Variants in FBXW4 observed in about 807,000 individuals in gnomAD.
FBXW4 encodes F-box and WD repeat domain containing 4, also known as F-box/WD repeat-containing protein 4.
Under a neutral mutation model 61.8 loss-of-function variants are expected in FBXW4, and 40 were observed. The observed-to-expected ratio is 0.65, with a 90% CI of 0.50 to 0.84. The LOEUF (loss-of-function observed/expected upper bound fraction) is 0.84. Among genes scored for constraint, FBXW4 ranks in the 40% least tolerant of loss-of-function variants. The pLI, the probability that FBXW4 is intolerant of heterozygous loss-of-function variation, is 0.00. For synonymous variants in FBXW4, 311 were observed against 313.8 expected, an observed-to-expected ratio of 0.99 and a Z score of 0.10; for missense variants, 672 against 753.8, an observed-to-expected ratio of 0.89 and a Z score of 1.27.
chr10:101,690,327 A>G (rs1189869157), intron 1 of FBXW4, among the ~76,000 whole-genome samples: 1 of 152,212 alleles, frequency 6.6e-6, no homozygotes, highest in Non-Finnish European at 1.5e-5. Flanking sequence ...GGAAAATTTG[A>G]AAGACTGCTA....
intron 5 of FBXW4, among the ~76,000 whole-genome samples, chr10:101,662,441 C>T (rs1486826094): frequency 6.6e-6 from 1 of 152,098 alleles, no homozygotes; most frequent in African/African-American, 2.4e-5. Flanking sequence ...TTGGACTAAT[C>T]CCCTCAAAAA....
chr10:101,614,899 C>T (rs1479457190), intron 6 of FBXW4, among the ~76,000 whole-genome samples: 2 of 152,026 alleles, frequency 1.3e-5, no homozygotes, highest in Admixed American at 6.6e-5. Flanking sequence ...GGGCCCTTCT[C>T]GGCCCCCACC....
At chr10:101,612,167 G>A (rs1177957165) in intron 7 of FBXW4, among the ~76,000 whole-genome samples, 170 bp downstream of exon 7, 3 of 152,234 alleles carry the variant, frequency 2.0e-5, no homozygotes, top group Admixed American at 6.5e-5. Flanking sequence ...CAAGCCACTG[G>A]GACCAGGGCT....
At chr10:101,612,797 G>A (rs1198591488) in intron 6 of FBXW4, among the ~76,000 whole-genome samples, 7 of 151,810 alleles carry the variant, frequency 4.6e-5, no homozygotes, top group East Asian at 3.9e-4. Flanking sequence ...TGAAGGGGTC[G>A]GCCCCCCTCA....
chr10:101,686,227 G>GA (rs34795580), intron 1 of FBXW4, among the ~76,000 whole-genome samples: 10 of 152,040 alleles, frequency 6.6e-5, no homozygotes, highest in African/African-American at 2.4e-4. Flanking sequence ...ATTTAGCAGT[G>GA]AAAAAAAGAA....
At chr10:101,664,426 T>C (rs1254273786) in intron 5 of FBXW4, among the ~76,000 whole-genome samples, 1 of 152,226 alleles carries the variant, frequency 6.6e-6, no homozygotes, top group Non-Finnish European at 1.5e-5. Context: ...CAGGAGTACC[T>C]GCCCTAGGGC....
chr10:101,677,138 T>C (rs2064420596), intron 1 of FBXW4, among the ~76,000 whole-genome samples: 1 of 152,176 alleles, frequency 6.6e-6, no homozygotes, highest in Non-Finnish European at 1.5e-5. Flanking sequence ...TGGGAAAAGG[T>C]CTGGCAGTTT....
Position 101,695,025 on chromosome 10 carries a change from C to T in FBXW4, c.81G>A (p.Gln27=). ...EGEGGEARKL[Q]EGRVARGKRR... is the part of the protein sequence containing the mutation. The stretch of plus-strand genomic sequence containing the variant: ...GCTTCCCCCTCGCCACCCTCCCTTC[C>T]TGCAGCTTCCTCGCCTCTCCGCCCT... The change falls in exon 1 of 9, where the codon CAG becomes CAA. Residue 27 remains glutamine, a synonymous_variant. Transcript: ENST00000331272. The surrounding 1 kb of genome is among the most constrained non-coding windows in gnomAD (Gnocchi z 4.2). 1 of 1,048,072 alleles carries T rather than the reference C, an allele frequency of 9.5e-7. No homozygotes were observed. Among genetic ancestry groups the T allele is most frequent in the Non-Finnish European group, 1.1e-6 (1 of 870,374 alleles). The allele number at this position is 1,048,072 out of a possible 1,614,324, so 64.9% of individuals were successfully genotyped here.
intron 5 of FBXW4, among the ~76,000 whole-genome samples, chr10:101,648,629 A>G (rs1223135546): frequency 1.3e-5 from 2 of 152,166 alleles, no homozygotes; most frequent in Non-Finnish European, 2.9e-5. Context: ...TGTGCATCCA[A>G]CCAGGCCCAA....
At chr10:101,615,944 C>T (rs2063824026) in intron 6 of FBXW4, among the ~76,000 whole-genome samples, 1 of 152,178 alleles carries the variant, frequency 6.6e-6, no homozygotes, top group Non-Finnish European at 1.5e-5. Context: ...CCTGAGTCAC[C>T]ACCTCCTCCA....
rs553104052 is a variant in FBXW4 at position 101,672,799 on chromosome 10, G to A, written c.1140+116C>T. 1.1e-4 allele frequency: 137 copies of A among 1,286,894 alleles called. No homozygotes were observed. The African/African-American group carries it at 1.4e-3, about 13-fold the overall frequency. The allele number at this position is 1,286,894 out of a possible 1,614,324, so 79.7% of individuals were successfully genotyped here. The stretch of plus-strand genomic sequence containing the variant: ...ACATAAGTGAGTCCTTTATTGTGTC[G>A]TTTTCTCCCCTGTCCCCAGACGATA... On this transcript the variant is annotated intron_variant, in intron 4 of 8. Transcript: ENST00000331272.
intron 5 of FBXW4, among the ~76,000 whole-genome samples, chr10:101,652,645 A>G (rs985394121): frequency 2.0e-5 from 3 of 152,244 alleles, no homozygotes; most frequent in African/African-American, 7.2e-5. Context: ...ACAAAATGCT[A>G]AAATCAAGCA....
At chr10:101,625,958 G>A (rs2063904313) in intron 5 of FBXW4, 1 of 152,264 alleles carries the variant, frequency 6.6e-6, no homozygotes, top group African/African-American at 2.4e-5. Context: ...GAGGGCCCTG[G>A]AGAAGCCAGT....
intron 5 of FBXW4, among the ~76,000 whole-genome samples, chr10:101,662,785 C>T (rs2064257134): frequency 6.6e-6 from 1 of 152,180 alleles, no homozygotes; most frequent in Non-Finnish European, 1.5e-5. Context: ...TGTAGATTCA[C>T]TTCACCACAT....
At chr10:101,641,266 G>GA (rs1001707098) in intron 5 of FBXW4, among the ~76,000 whole-genome samples, 5 of 152,044 alleles carry the variant, frequency 3.3e-5, no homozygotes, top group African/African-American at 1.2e-4. Context: ...GGGAAAAAAG[G>GA]AAAAAAAGCA....
chr10:101,645,804 C>T (rs2134851785), intron 5 of FBXW4, among the ~76,000 whole-genome samples: 1 of 152,190 alleles, frequency 6.6e-6, no homozygotes, highest in East Asian at 1.9e-4. Flanking sequence ...TGAGAGAGCT[C>T]AGCACAGGAC....
intron 1 of FBXW4, among the ~76,000 whole-genome samples, chr10:101,681,971 C>A (rs987899427): frequency 6.6e-6 from 1 of 152,044 alleles, no homozygotes; most frequent in South Asian, 2.1e-4. Context: ...TAACTAACTT[C>A]TCCAATTATC....
At chr10:101,636,226 G>A (rs768317150) in intron 5 of FBXW4, among the ~76,000 whole-genome samples, 9 of 151,684 alleles carry the variant, frequency 5.9e-5, no homozygotes, top group Non-Finnish European at 8.8e-5. Context: ...GGGTGGTGGC[G>A]TGCACCACCT....
In FBXW4 at chr10:101,612,429, C is replaced by T. The variant is rs1324518673; in HGVS notation, c.1350G>A (p.Gly450=). The change falls in exon 7 of 9, where the codon GGG becomes GGA. Residue 450 remains glycine (G), a synonymous_variant. Transcript: ENST00000331272. ...GGGACTCATACATGACATCCAGCAC[C>T]CCAGCCCCTGGGGGAAAGTCACTGC... The part of the protein sequence containing the change: ...HLGSDFPPGA[G]VLDVMYESPF... The T allele has an allele frequency of 6.3e-7, 1 of 1,596,202 alleles. No individual in the cohort carries two copies. Among genetic ancestry groups the T allele is most frequent in the South Asian group, 1.2e-5 (1 of 86,262 alleles).
Sources: gnomAD v4.1 joint callset for allele counts (sites outside exome capture counted in the v4.1 genomes callset) on GRCh38, gnomAD v4.1.1 for gene constraint, Gnocchi (gnomAD v3.1) non-coding constraint, MANE v1.5 for transcripts, NCBI Gene and HGNC (gene_info 2026-07-23, HGNC 2026-07-21) for gene names.